The following USP14 variants were observed in gnomAD, a reference collection of about 807,000 sequenced individuals.
The protein encoded by USP14 is ubiquitin specific peptidase 14.
In USP14, 38 loss-of-function variants were observed where a neutral mutation model predicts 76.5. The ratio of observed to expected loss-of-function variants is 0.50; its 90% CI spans 0.38 to 0.65. The LOEUF (loss-of-function observed/expected upper bound fraction) is 0.65. USP14 is among the 30% of genes least tolerant of loss of function. The pLI, the probability that USP14 is intolerant of heterozygous loss-of-function variation, is 0.00. For synonymous variants in USP14, 192 were observed against 191.7 expected, an observed-to-expected ratio of 1.00 and a Z score of -0.01; for missense variants, 467 against 586.5, an observed-to-expected ratio of 0.80 and a Z score of 2.10.
intron 1 of USP14, 67 bp from the exon 2 acceptor site, chr18:163,241 T>A: frequency 7.0e-7 from 1 of 1,432,574 alleles, no homozygotes; most frequent in Non-Finnish European, 9.4e-7. Flanking sequence ...TAATTGGTGA[T>A]CTTCTAAGGG....
Position 211,471 on chromosome 18 carries a change from T to C in USP14, c.*187T>C. ...AATTACAGAGAAGAGAAAATTATCT[T>C]TGGATTGTGCTGCCCTATATAAAGG... is the stretch of plus-strand genomic sequence containing the variant. On this transcript the variant is annotated 3_prime_UTR_variant, in exon 16 of 16. Coordinates refer to ENST00000261601, the MANE Select transcript of USP14 (RefSeq NM_005151.4). The C allele has an allele frequency of 1.9e-6, 1 of 518,912 alleles. No individual in the cohort carries two copies. Among genetic ancestry groups the C allele is most frequent in the Non-Finnish European group, 3.3e-6 (1 of 307,512 alleles). The allele number at this position is 518,912 out of a possible 1,614,324, so 32.1% of individuals were successfully genotyped here. A position where few individuals can be genotyped will look rare whatever the true frequency, so the allele number is the denominator to read the frequency against.
chr18:195,077 A>G (rs1910194301), intron 6 of USP14, among the ~76,000 whole-genome samples: 2 of 151,470 alleles, frequency 1.3e-5, no homozygotes, highest in Non-Finnish European at 1.5e-5. Flanking sequence ...AAGATCCCAC[A>G]TTGCATTTAG....
chr18:173,828 T>C (rs1909546131), intron 3 of USP14, among the ~76,000 whole-genome samples: 1 of 152,228 alleles, frequency 6.6e-6, no homozygotes, highest in African/African-American at 2.4e-5. Flanking sequence ...AAGACTATTC[T>C]TTTCCATTCT....
intron 1 of USP14, 166 bp downstream of exon 1, chr18:158,880 T>C (rs1015108280): frequency 8.8e-7 from 1 of 1,132,490 alleles, no homozygotes; most frequent in Non-Finnish European, 1.1e-6. Flanking sequence ...CTCTCCCGGC[T>C]GGGTCGGAGC....
rs1910685109 is a variant in USP14 at position 212,106 on chromosome 18, TAA to T, written c.*823_*824del. ...GTTGGAGCTTGGCTGAAGACATGTT[TAA>T]TACTGTACAATTTCTGAAGATGGTT... On this transcript the variant is annotated 3_prime_UTR_variant, in exon 16 of 16. Coordinates refer to ENST00000261601, the MANE Select transcript of USP14 (RefSeq NM_005151.4). 1.3e-5 allele frequency: 2 copies of T among 152,254 alleles called. No individual in the cohort carries two copies. The highest frequency in any genetic ancestry group is 4.8e-5 in the African/African-American group (2 of 41,470). The allele number at this position is 152,254 out of a possible 1,614,324, so 9.4% of individuals were successfully genotyped here. A position where few individuals can be genotyped will look rare whatever the true frequency, so the allele number is the denominator to read the frequency against.
chr18:211,401 A>T lies in USP14; in HGVS notation c.*117A>T. On this transcript the variant is annotated 3_prime_UTR_variant, in exon 16 of 16. Coordinates refer to ENST00000261601, the MANE Select transcript of USP14 (RefSeq NM_005151.4). Reference sequence around the variant, plus strand: ...TGGGTTTATGTTTCACCTCATTTGGAACAAAAGAGGACAGAAGCAGACCAC... The same window carrying T: ...TGGGTTTATGTTTCACCTCATTTGGTACAAAAGAGGACAGAAGCAGACCAC... 2 of 1,116,062 alleles carry T rather than the reference A, an allele frequency of 1.8e-6. No homozygotes were observed. Among genetic ancestry groups the T allele is most frequent in the Non-Finnish European group, 2.5e-6 (2 of 802,162 alleles). The allele number at this position is 1,116,062 out of a possible 1,614,324, so 69.1% of individuals were successfully genotyped here.
intron 3 of USP14, among the ~76,000 whole-genome samples, chr18:174,268 CTTTT>C (rs34265974): frequency 2.4e-4 from 31 of 130,536 alleles, no homozygotes; most frequent in Admixed American, 3.9e-4. Context: ...GTTTTTCTTT[CTTTT>C]TTTTTTTTTT....
Position 158,677 on chromosome 18 carries a change from C to T in USP14, c.-22C>T, listed in dbSNP as rs1337664671. The T allele has an allele frequency of 1.3e-6, 2 of 1,519,700 alleles. No individual in the cohort carries two copies. Among genetic ancestry groups the T allele is most frequent in the Admixed American group, 2.0e-5 (1 of 50,334 alleles). The allele number at this position is 1,519,700 out of a possible 1,614,324, so 94.1% of individuals were successfully genotyped here. On this transcript the variant is annotated 5_prime_UTR_variant, in exon 1 of 16. Coordinates refer to ENST00000261601, the MANE Select transcript of USP14 (RefSeq NM_005151.4). ...CGTCAGGCCCAGCTCTCCTGCGCCG[C>T]CGCCTCCCGCCGCGCCCCGCCATGC... is the stretch of plus-strand genomic sequence containing the variant.
At chr18:168,413 T>C (rs967856493) in intron 3 of USP14, among the ~76,000 whole-genome samples, 3 of 152,174 alleles carry the variant, frequency 2.0e-5, no homozygotes, top group African/African-American at 7.2e-5. Flanking sequence ...TCTTAAACTT[T>C]ATTGACATAT....
intron 13 of USP14, among the ~76,000 whole-genome samples, 192 bp downstream of exon 13, chr18:204,884 T>G (rs1910486948): frequency 6.6e-6 from 1 of 151,726 alleles, no homozygotes. Flanking sequence ...TCTTTAAAGT[T>G]TTGCATGTGT....
chr18:206,408 T>C (rs987019829), intron 13 of USP14, among the ~76,000 whole-genome samples: 2 of 152,266 alleles, frequency 1.3e-5, no homozygotes, highest in Non-Finnish European at 2.9e-5. Context: ...ACTGTTTTTT[T>C]ACTCTTGAAT....
At chr18:203,411 C>G (rs1910437208) in intron 12 of USP14, among the ~76,000 whole-genome samples, 1 of 151,766 alleles carries the variant, frequency 6.6e-6, no homozygotes, top group Non-Finnish European at 1.5e-5. Context: ...TCCCTCACCC[C>G]CAAACATCTG....
intron 2 of USP14, among the ~76,000 whole-genome samples, chr18:166,260 T>C (rs1484300286): frequency 2.6e-5 from 4 of 152,248 alleles, no homozygotes; most frequent in Non-Finnish European, 5.9e-5. Context: ...TACTGCCTTT[T>C]GTATTGTGTT....
rs146823420 is a variant in USP14 at position 158,950 on chromosome 18, G to A, written c.16+236G>A. 702 of 491,950 alleles carry A rather than the reference G, an allele frequency of 1.4e-3. 2 individuals are homozygous for A. The highest frequency in any genetic ancestry group is 0.012 in the African/African-American group (614 of 49,532). 30.5% of individuals were successfully genotyped at this position (491,950 alleles called of 1,614,324 possible). ...ACCGATGGGTGGGGGGAGTGGAGAT[G>A]GGGAAGCCTCTCAAAGTCGTGACTC... On this transcript the variant is annotated intron_variant, in intron 1 of 15. Transcript: ENST00000261601.
At chr18:167,934 CTTTTTTTTTTTTTT>C (rs34207469) in intron 3 of USP14, among the ~76,000 whole-genome samples, 2 of 116,120 alleles carry the variant, frequency 1.7e-5, no homozygotes, top group African/African-American at 6.5e-5. Context: ...ATTTTTCTCT[CTTTTTTTTTTTTTT>C]TTTTTTGAGA....
At position 163,317 on chromosome 18, in the gene USP14, A is replaced by G. The variant is rs1171405308; in HGVS notation, c.26A>G (p.Lys9Arg). MPLYSVTV[K>R]WGKEKFEGVE... ...GTGATTTTGTTTGCAGTTACTGTAA[A>G]ATGGGGAAAGGAGAAATTTGAAGGT... Residue 9 changes from lysine (K) to arginine (R), a missense_variant, in exon 2 of 16, where the codon AAA becomes AGA. Lys to Arg is a conservative substitution (Grantham distance 26). Coordinates refer to ENST00000261601, the MANE Select transcript of USP14 (RefSeq NM_005151.4). 6.2e-7 allele frequency: 1 copy of G among 1,607,544 alleles called. No homozygotes were observed.
chr18:210,967 C>T (rs1279615387), intron 15 of USP14, among the ~76,000 whole-genome samples, 166 bp from the exon 16 acceptor site: 1 of 152,216 alleles, frequency 6.6e-6, no homozygotes, highest in Non-Finnish European at 1.5e-5. Context: ...GGTGGAACCC[C>T]TGCAGTGCCC....
chr18:172,703 T>C (rs759730508), intron 3 of USP14, among the ~76,000 whole-genome samples: 1 of 150,316 alleles, frequency 6.7e-6, no homozygotes, highest in Non-Finnish European at 1.5e-5. Flanking sequence ...AAGGCTTAGA[T>C]GATTGTCAGC....
chr18:196,804 A>G (rs754593609), intron 7 of USP14, 37 bp downstream of exon 7: 1 of 1,607,942 alleles, frequency 6.2e-7, no homozygotes, highest in East Asian at 2.2e-5. Context: ...CTGTAAATGT[A>G]AAACTTAGGT....
Sources: gnomAD v4.1 joint callset for allele counts (sites outside exome capture counted in the v4.1 genomes callset) on GRCh38, gnomAD v4.1.1 for gene constraint, MANE v1.5 for transcripts, NCBI Gene and HGNC (gene_info 2026-07-23, HGNC 2026-07-21) for gene names.